Variants in NLRP1 observed in about 807,000 individuals in gnomAD.
NLRP1 encodes NLR family pyrin domain containing 1, also known as NACHT, LRR and PYD domains-containing protein 1.
NLRP1 carries 94 observed loss-of-function variants against 136.7 expected under a neutral mutation model. The observed-to-expected ratio is 0.69, with a 90% CI of 0.58 to 0.82. The LOEUF (loss-of-function observed/expected upper bound fraction) is 0.82, where lower values mean the gene tolerates loss of function less well. NLRP1 is among the 40% of genes least tolerant of loss of function. NLRP1 has a pLI of 0.00. For synonymous variants in NLRP1, 690 were observed against 725.1 expected (o/e 0.95, Z 0.78); for missense variants, 1,575 against 1,802.7 (o/e 0.87, Z 2.29).
intron 3 of NLRP1, among the ~76,000 whole-genome samples, chr17:5,567,203 A>C (rs1325274155): frequency 6.6e-6 from 1 of 151,574 alleles, no homozygotes; most frequent in Non-Finnish European, 1.5e-5. Flanking sequence ...TTGCCATTTT[A>C]TTATTTGTTT....
chr17:5,536,989 C>A, intron 7 of NLRP1, 49 bp from the exon 8 acceptor site: 1 of 1,314,142 alleles, frequency 7.6e-7, no homozygotes. Flanking sequence ...CCATGTGGTC[C>A]CCAGGTCCCC....
At chr17:5,573,810 A>C (rs1490588682) in intron 3 of NLRP1, among the ~76,000 whole-genome samples, 1 of 152,174 alleles carries the variant, frequency 6.6e-6, no homozygotes, top group East Asian at 1.9e-4. Context: ...CCAAAACCCC[A>C]TCTTTATGTC....
Position 5,541,739 on chromosome 17 carries a change from T to C in NLRP1, c.2699+118A>G. ...AGCCTCTACTGCCTGGCTGAGATCC[T>C]GTAGGCTCCTCCCACTCCCACAAAG... On this transcript the variant is annotated intron_variant, in intron 6 of 16. Coordinates refer to ENST00000572272, the MANE Select transcript of NLRP1 (RefSeq NM_033004.4). The surrounding 1 kb of genome is among the most constrained non-coding windows in gnomAD (Gnocchi z 4.2). 1 of 1,025,212 alleles carries C rather than the reference T, an allele frequency of 9.8e-7. No homozygotes were observed. Among genetic ancestry groups the C allele is most frequent in the Non-Finnish European group, 1.5e-6 (1 of 688,586 alleles). 63.5% of individuals were successfully genotyped at this position (1,025,212 alleles called of 1,614,324 possible).
intron 3 of NLRP1, among the ~76,000 whole-genome samples, chr17:5,576,978 A>G (rs1436819893): frequency 6.6e-6 from 1 of 152,214 alleles, no homozygotes; most frequent in Non-Finnish European, 1.5e-5. Context: ...CAATAAATGC[A>G]ATCCAGCATA....
intron 4 of NLRP1, among the ~76,000 whole-genome samples, chr17:5,555,970 T>C (rs1008479414): frequency 2.0e-5 from 3 of 152,094 alleles, no homozygotes; most frequent in African/African-American, 7.2e-5. Context: ...GGTGCGTGCC[T>C]GTAATCCCAG....
Position 5,521,751 on chromosome 17 carries a change from G to T in NLRP1, c.3556C>A (p.His1186Asn), listed in dbSNP as rs754897099. 4 of 1,612,312 alleles carry T rather than the reference G, an allele frequency of 2.5e-6. No homozygotes were observed. Among genetic ancestry groups the T allele is most frequent in the Non-Finnish European group, 2.5e-6 (3 of 1,179,610 alleles). The part of the protein sequence containing the change: ...HVDTSLFQMA[H>N]FKEEGMLLEK... ...AGGAGCATCCCCTCCTCTTTAAAGT[G>T]GGCCATTTGGAACAGGGATGTGTCC... is the stretch of plus-strand genomic sequence containing the variant. Residue 1186 changes from histidine (H) to asparagine (N), a missense_variant, in exon 13 of 17, where the codon CAC becomes AAC. Coordinates refer to ENST00000572272, the MANE Select transcript of NLRP1 (RefSeq NM_033004.4).
At chr17:5,529,285 C>CTT (rs1909927576) in intron 12 of NLRP1, among the ~76,000 whole-genome samples, 1 of 37,468 alleles carries the variant, frequency 2.7e-5, no homozygotes, top group Non-Finnish European at 4.3e-5. Context: ...TATTTTTTTC[C>CTT]CTTCTATCTT....
chr17:5,514,009 C>T (rs1012308174), downstream of NLRP1: 3 of 152,164 alleles, frequency 2.0e-5, no homozygotes, highest in Non-Finnish European at 2.9e-5. Flanking sequence ...CAGGAATTCC[C>T]ACCCCTTTCT....
downstream of NLRP1, among the ~76,000 whole-genome samples, chr17:5,513,736 G>A (rs1026573306): frequency 6.6e-6 from 1 of 152,142 alleles, no homozygotes; most frequent in African/African-American, 2.4e-5. Context: ...AATGTCTGAG[G>A]TGGGGATAAG....
chr17:5,560,080 A>T lies in NLRP1; in HGVS notation c.653-37T>A, dbSNP rs1914555484. The T allele has an allele frequency of 2.7e-6, 4 of 1,480,150 alleles. No individual in the cohort carries two copies. The African/African-American group carries it at 4.3e-5, about 16-fold the overall frequency. 91.7% of individuals were successfully genotyped at this position (1,480,150 alleles called of 1,614,324 possible). ...AGGGAAAGAAGGAACATAAAGGTAG[A>T]GAATAGAAGAATTAATTAATTAATT... On this transcript the variant is annotated intron_variant, in intron 3 of 16. Coordinates refer to ENST00000572272, the MANE Select transcript of NLRP1 (RefSeq NM_033004.4).
intron 1 of NLRP1, 55 bp from the exon 2 acceptor site, chr17:5,582,901 G>T (rs1370441300): frequency 7.0e-7 from 1 of 1,424,206 alleles, no homozygotes; most frequent in Non-Finnish European, 9.6e-7. Flanking sequence ...GGGGCAAGGT[G>T]CCAGGGAACT....
At chr17:5,569,037 C>T (rs114770462) in intron 3 of NLRP1, among the ~76,000 whole-genome samples, 1,800 of 152,066 alleles carry the variant, frequency 0.012, 25 homozygotes, top group African/African-American at 0.041. Context: ...GCCTTATAAG[C>T]GAAGGAGAAA....
rs884367 is a variant in NLRP1, at chr17:5,583,844, C to G, written c.114G>C (p.Ser38=). The part of the protein sequence containing the change: ...LANKAHSRSS[S]GETPAQPEKT... ...TCTCTGGCTGAGCGGGTGTCTCACC[C>G]GAAGAGCTCCTGGAGTGCGCTTTAT... The change falls in exon 1 of 17, where the codon TCG becomes TCC. Residue 38 remains serine (S), a synonymous_variant. Coordinates refer to ENST00000572272, the MANE Select transcript of NLRP1 (RefSeq NM_033004.4). The surrounding 1 kb of genome is among the most constrained non-coding windows in gnomAD (Gnocchi z 4.5). 0.2 allele frequency: 306,167 copies of G among 1,569,478 alleles called. 37,503 individuals carry two copies. The highest frequency in any genetic ancestry group is 0.63 in the East Asian group (26,690 of 42,606).
rs1905790165 is a variant in NLRP1 at position 5,582,546 on chromosome 17, C to G, written c.448+124G>C. ...TACCTCTCACAGCCCATCCTGGCTC[C>G]CCTATCCTTCCTCTGCTGTCCCCCA... On this transcript the variant is annotated intron_variant, in intron 2 of 16. Coordinates refer to ENST00000572272, the MANE Select transcript of NLRP1 (RefSeq NM_033004.4). 11 of 911,526 alleles carry G rather than the reference C, an allele frequency of 1.2e-5. No individual in the cohort carries two copies. The South Asian group carries it at 1.8e-4, about 15-fold the overall frequency. The allele number at this position is 911,526 out of a possible 1,614,324, so 56.5% of individuals were successfully genotyped here.
Position 5,541,338 on chromosome 17 carries a change from G to C in NLRP1, c.2699+519C>G, listed in dbSNP as rs749305123. ...TGGGATGACAGGCATGAGCCAGGGC[G>C]CCTCACTTGTTTCTACATGGTGGCG... On this transcript the variant is annotated intron_variant, in intron 6 of 16. Transcript: ENST00000572272. The surrounding 1 kb of genome is among the most constrained non-coding windows in gnomAD (Gnocchi z 4.2). Among the ~76,000 whole-genome samples the C allele has an allele frequency of 6.6e-6, 1 of 152,106 alleles. No individual in the cohort carries two copies. Among genetic ancestry groups the C allele is most frequent in the Non-Finnish European group, 1.5e-5 (1 of 68,004 alleles).
chr17:5,535,786 G>A (rs997243008), intron 8 of NLRP1, among the ~76,000 whole-genome samples: 4 of 152,206 alleles, frequency 2.6e-5, no homozygotes, highest in African/African-American at 9.6e-5. Context: ...AGGAACCTGG[G>A]GACAGATGAG....
Position 5,530,551 on chromosome 17 carries a change from AG to A in NLRP1, c.3449del (p.Pro1150LeufsTer56). On this transcript the variant is annotated frameshift_variant, in exon 12 of 17. Coordinates refer to ENST00000572272, the MANE Select transcript of NLRP1 (RefSeq NM_033004.4). LOFTEE classifies it high-confidence loss of function. ...CAGGCTCAGCCTTGATGTCCAGCAG[AG>A]GCCCTGCCACCATCCAGCTGTGCTG... ...NPQHSWMVAG[P>X]LLDIKAEPGA... is the part of the protein sequence containing the mutation. The A allele has an allele frequency of 6.2e-7, 1 of 1,614,226 alleles. No homozygotes were observed. Among genetic ancestry groups the A allele is most frequent in the Non-Finnish European group, 8.5e-7 (1 of 1,180,038 alleles).
downstream of NLRP1, among the ~76,000 whole-genome samples, chr17:5,512,732 C>T (rs568381420): frequency 4.1e-4 from 62 of 152,156 alleles, no homozygotes; most frequent in Admixed American, 2.0e-3. Flanking sequence ...CATTTTTGAA[C>T]GAGGGGCCCT....
chr17:5,559,740 C>G lies in NLRP1; in HGVS notation c.956G>C (p.Gly319Ala). The change falls in exon 4 of 17, where the codon GGC becomes GCC. Residue 319 changes from glycine to alanine, a missense_variant. Coordinates refer to ENST00000572272, the MANE Select transcript of NLRP1 (RefSeq NM_033004.4). ...GHLIEIRDLF[G>A]PGLDTQEPRI... Reference sequence around the variant, plus strand: ...AGGTTCTTGGGTATCCAGGCCTGGGCCAAATAAGTCTCTGATCTCAATTAA... The same window carrying G: ...AGGTTCTTGGGTATCCAGGCCTGGGGCAAATAAGTCTCTGATCTCAATTAA... 2 of 1,614,256 alleles carry G rather than the reference C, an allele frequency of 1.2e-6. No homozygotes were observed. The highest frequency in any genetic ancestry group is 1.7e-6 in the Non-Finnish European group (2 of 1,180,058).
Sources: allele counts gnomAD v4.1 joint callset (sites outside exome capture counted in the v4.1 genomes callset), GRCh38; gene constraint gnomAD v4.1.1; non-coding constraint Gnocchi (gnomAD v3.1); transcripts MANE v1.5; gene names NCBI Gene and HGNC (gene_info 2026-07-23, HGNC 2026-07-21).